Variants in DIS3L2 observed in about 807,000 individuals in gnomAD.
DIS3L2 encodes DIS3-like exonuclease 2.
DIS3L2 carries 34 observed loss-of-function variants against 97.5 expected under a neutral mutation model. The observed-to-expected ratio is 0.35, with a 90% confidence interval of 0.27 to 0.46. The LOEUF is 0.46. Ranked by LOEUF, DIS3L2 falls within the 20% of genes least tolerant of loss-of-function variation. The pLI, the probability that DIS3L2 is intolerant of heterozygous loss-of-function variation, is 1.00. For missense variants in DIS3L2, 1,038 were observed against 1,146.0 expected, an observed-to-expected ratio of 0.91 and a Z score of 1.36; for synonymous variants, 435 against 445.2, an observed-to-expected ratio of 0.98 and a Z score of 0.29.
intron 4 of DIS3L2, among the ~76,000 whole-genome samples, chr2:232,024,984 A>G (rs1694618989): frequency 6.6e-6 from 1 of 152,192 alleles, no homozygotes; most frequent in African/African-American, 2.4e-5. Flanking sequence ...TTCCTGACCT[A>G]ACTTTTCCAG....
intron 12 of DIS3L2, among the ~76,000 whole-genome samples, chr2:232,254,251 A>G (rs1693495051): frequency 6.6e-6 from 1 of 152,156 alleles, no homozygotes; most frequent in Non-Finnish European, 1.5e-5. Context: ...TATCGGGTTA[A>G]TAAAAAAAAA....
At chr2:232,192,324 C>T (rs2106197323) in intron 9 of DIS3L2, among the ~76,000 whole-genome samples, 1 of 152,232 alleles carries the variant, frequency 6.6e-6, no homozygotes, top group South Asian at 2.1e-4. Context: ...GGTCACATGA[C>T]TGAGGGGGAA....
At chr2:232,007,739 T>G (rs1004708930) in intron 1 of DIS3L2, among the ~76,000 whole-genome samples, 16 of 152,208 alleles carry the variant, frequency 1.1e-4, no homozygotes, top group Non-Finnish European at 8.8e-5. Context: ...TTAATAAAAT[T>G]GATTCAAGAA....
At chr2:232,223,782 A>G (rs1259012721) in intron 10 of DIS3L2, among the ~76,000 whole-genome samples, 1 of 152,210 alleles carries the variant, frequency 6.6e-6, no homozygotes, top group African/African-American at 2.4e-5. Flanking sequence ...TATTATTAAT[A>G]TAAAATTAGA....
intron 13 of DIS3L2, among the ~76,000 whole-genome samples, chr2:232,277,992 C>T (rs183016124): frequency 1.5e-3 from 221 of 151,556 alleles, no homozygotes; most frequent in African/African-American, 4.8e-3. Context: ...CCATCGTTGG[C>T]CAAAACTTTC....
intron 14 of DIS3L2, among the ~76,000 whole-genome samples, chr2:232,304,694 T>C (rs1376330759): frequency 6.6e-6 from 1 of 152,224 alleles, no homozygotes; most frequent in Non-Finnish European, 1.5e-5. Flanking sequence ...CCGGCTGTCC[T>C]CTCTGCAGCC....
chr2:232,115,297 ATT>A (rs200368820), intron 6 of DIS3L2, among the ~76,000 whole-genome samples: 6 of 152,074 alleles, frequency 3.9e-5, no homozygotes, highest in African/African-American at 1.2e-4. Context: ...GTGATTGAAG[ATT>A]TTTTTAAAAA....
intron 1 of DIS3L2, among the ~76,000 whole-genome samples, chr2:232,008,480 T>A (rs1374813250): frequency 1.3e-5 from 2 of 152,188 alleles, no homozygotes; most frequent in Non-Finnish European, 2.9e-5. Context: ...TTGGACACCC[T>A]GTGGAGGTAG....
At chr2:232,333,351 T>C (rs1695827827) in intron 16 of DIS3L2, among the ~76,000 whole-genome samples, 1 of 146,446 alleles carries the variant, frequency 6.8e-6, no homozygotes, top group African/African-American at 2.5e-5. Context: ...TCTTTCTTCT[T>C]CCTTCTTCCT....
intron 5 of DIS3L2, among the ~76,000 whole-genome samples, chr2:232,071,110 T>A (rs1696004478): frequency 6.6e-6 from 1 of 152,236 alleles, no homozygotes; most frequent in South Asian, 2.1e-4. Flanking sequence ...TTTCTTTTTT[T>A]TCTTAAAAGA....
chr2:232,258,598 CAAAAAAAAAAA>C (rs35525137), intron 12 of DIS3L2, among the ~76,000 whole-genome samples: 4,444 of 74,742 alleles, frequency 0.059, 192 homozygotes, highest in African/African-American at 0.14. Flanking sequence ...GACTCTGTCT[CAAAAAAAAAAA>C]AAAAAAAAAA....
At chr2:232,135,726 A>T (rs1698336594) in intron 7 of DIS3L2, among the ~76,000 whole-genome samples, 1 of 152,184 alleles carries the variant, frequency 6.6e-6, no homozygotes, top group Admixed American at 6.5e-5. Flanking sequence ...AGTCAGGGAC[A>T]TAGAGAAGAG....
intron 1 of DIS3L2, among the ~76,000 whole-genome samples, chr2:231,980,588 C>T (rs1222937734): frequency 6.6e-6 from 1 of 151,978 alleles, no homozygotes; most frequent in African/African-American, 2.4e-5. Context: ...TTCCCAGCTA[C>T]TTGGGAGGCT....
chr2:232,304,485 G>A (rs1313091265), intron 14 of DIS3L2, among the ~76,000 whole-genome samples: 4 of 152,200 alleles, frequency 2.6e-5, no homozygotes, highest in Non-Finnish European at 4.4e-5. Flanking sequence ...GGTAGGAATC[G>A]AGTGCTATGG....
intron 5 of DIS3L2, among the ~76,000 whole-genome samples, chr2:232,062,441 A>T (rs1266631436): frequency 6.6e-6 from 1 of 152,160 alleles, no homozygotes; most frequent in Non-Finnish European, 1.5e-5. Flanking sequence ...TGCTTCTCAG[A>T]GGGGTAATCA....
In DIS3L2 at chr2:232,173,228, CAT is replaced by C. The variant is rs1691043876; in HGVS notation, c.1124+9599_1124+9600del. On this transcript the variant is annotated intron_variant, in intron 9 of 20. Transcript: ENST00000325385. ...TTGGCGAAGATCACAAAGAGTTAGA[CAT>C]ATGTTTTCTTTTTGTTTGTTTGTTT... Among the ~76,000 whole-genome samples, 4 of 152,178 alleles carry C rather than the reference CAT, an allele frequency of 2.6e-5. No individual in the cohort carries two copies. In the South Asian group the frequency reaches 8.3e-4, roughly 32 times the overall value.
intron 14 of DIS3L2, among the ~76,000 whole-genome samples, chr2:232,311,223 C>CG (rs1695121696): frequency 6.6e-6 from 1 of 152,216 alleles, no homozygotes; most frequent in African/African-American, 2.4e-5. Flanking sequence ...AGTGTACACA[C>CG]ACAGGAACAC....
intron 5 of DIS3L2, among the ~76,000 whole-genome samples, chr2:232,039,394 T>C (rs1695045564): frequency 6.6e-6 from 1 of 152,202 alleles, no homozygotes; most frequent in African/African-American, 2.4e-5. Context: ...TGAGCCAATG[T>C]GGATTAATTG....
At chr2:232,081,095 C>A (rs115836204) in intron 5 of DIS3L2, among the ~76,000 whole-genome samples, 1 of 152,186 alleles carries the variant, frequency 6.6e-6, no homozygotes, top group Non-Finnish European at 1.5e-5. Context: ...ATTGAGTGTG[C>A]ATGGTAATGT....
Sources: allele counts gnomAD v4.1 joint callset (sites outside exome capture counted in the v4.1 genomes callset), GRCh38; gene constraint gnomAD v4.1.1; transcripts MANE v1.5; gene names NCBI Gene and HGNC (gene_info 2026-07-23, HGNC 2026-07-21).